Variants in WFDC11 observed in about 807,000 individuals in gnomAD.
The protein encoded by WFDC11 is protein WFDC11.
WFDC11 carries 9 observed loss-of-function variants against 9.9 expected under a neutral mutation model. That is an observed-to-expected ratio of 0.91 (90% CI 0.55 to 1.58). WFDC11 has a LOEUF of 1.58. Among genes scored for constraint, WFDC11 ranks in the 40% most tolerant of loss-of-function variants. The pLI is 0.00. For missense variants in WFDC11, 106 were observed against 101.7 expected, an observed-to-expected ratio of 1.04 and a Z score of -0.18; for synonymous variants, 32 against 33.3, an observed-to-expected ratio of 0.96 and a Z score of 0.13.
In WFDC11 at chr20:45,649,238, C is replaced by A. The variant is rs987257632; in HGVS notation, c.243+19G>T. 1 of 1,613,500 alleles carries A rather than the reference C, an allele frequency of 6.2e-7. No individual in the cohort carries two copies. Among genetic ancestry groups the A allele is most frequent in the African/African-American group, 1.3e-5 (1 of 74,874 alleles). ...GAATCAGTGAAGATATACACCCAAG[C>A]AAACATCTCCCAACTCACGACGTTT... On this transcript the variant is annotated intron_variant, in intron 4 of 4. Transcript: ENST00000324384.
At chr20:45,652,904 C>T (rs999196428) in intron 2 of WFDC11, among the ~76,000 whole-genome samples, 2 of 152,164 alleles carry the variant, frequency 1.3e-5, no homozygotes, top group African/African-American at 4.8e-5. Context: ...AACAAATGAA[C>T]AAAGCCTCCA....
intron 2 of WFDC11, among the ~76,000 whole-genome samples, chr20:45,653,827 G>T (rs202228849): frequency 6.6e-6 from 1 of 151,194 alleles, no homozygotes; most frequent in Non-Finnish European, 1.5e-5. Flanking sequence ...ATCAAAAGAG[G>T]CAAAGAAGGC....
In WFDC11 at chr20:45,649,830, A is replaced by G. The variant is rs559301804; in HGVS notation, c.101-431T>C. On this transcript the variant is annotated intron_variant, in intron 3 of 4. Coordinates refer to ENST00000324384, the MANE Select transcript of WFDC11 (RefSeq NM_147197.2). ...GGAGCTAGGCCAGGTCAAGTAAGAA[A>G]CAGATTCTCTCCCTTTTTCTTTCCC... Among the ~76,000 whole-genome samples the G allele has an allele frequency of 1.7e-3, 261 of 152,152 alleles. 1 individual carries two copies. Among genetic ancestry groups the G allele is most frequent in the Middle Eastern group, 0.014 (4 of 294 alleles).
intron 2 of WFDC11, among the ~76,000 whole-genome samples, chr20:45,661,125 G>A (rs1001829053): frequency 6.6e-6 from 1 of 152,146 alleles, no homozygotes; most frequent in Admixed American, 6.5e-5. Context: ...GGTGTGAGAT[G>A]GTATCCCATT....
At chr20:45,652,115 T>A (rs1390815826) in intron 2 of WFDC11, among the ~76,000 whole-genome samples, 1 of 152,240 alleles carries the variant, frequency 6.6e-6, no homozygotes, top group Admixed American at 6.5e-5. Context: ...GCTGGAGATC[T>A]GAGAACAGAC....
intron 1 of WFDC11, among the ~76,000 whole-genome samples, chr20:45,668,602 A>G (rs1320468446): frequency 1.3e-5 from 2 of 152,214 alleles, no homozygotes; most frequent in African/African-American, 4.8e-5. Context: ...AATTAAATTT[A>G]AAAATAATTG....
rs1473868204 is a variant in WFDC11, at chr20:45,655,988, C to T, written c.-51-5337G>A. Among the ~76,000 whole-genome samples, 7 of 152,004 alleles carry T rather than the reference C, an allele frequency of 4.6e-5. No homozygotes were observed. The South Asian group carries it at 6.2e-4, about 14-fold the overall frequency. ...GCTCATGGCTAGGAAGAATCAATAT[C>T]GAGAAAATGGCCATACTGCCCAAGG... On this transcript the variant is annotated intron_variant, in intron 2 of 4. Coordinates refer to ENST00000324384, the MANE Select transcript of WFDC11 (RefSeq NM_147197.2).
At chr20:45,658,719 G>T (rs1982988589) in intron 2 of WFDC11, among the ~76,000 whole-genome samples, 1 of 151,230 alleles carries the variant, frequency 6.6e-6, no homozygotes. Context: ...TCTGATCTTG[G>T]TTATTTTCTT....
intron 2 of WFDC11, among the ~76,000 whole-genome samples, chr20:45,666,844 C>T (rs1366157029): frequency 6.6e-6 from 1 of 152,162 alleles, no homozygotes; most frequent in Middle Eastern, 3.2e-3. Context: ...ATGGGAATAG[C>T]ATGTAGATGA....
At chr20:45,652,841 GATGAA>G (rs1169422417) in intron 2 of WFDC11, among the ~76,000 whole-genome samples, 10 of 152,170 alleles carry the variant, frequency 6.6e-5, no homozygotes, top group Non-Finnish European at 1.3e-4. Flanking sequence ...AGTGATGGAA[GATGAA>G]ATGAATGAAA....
At chr20:45,651,538 G>A (rs1219786650) in intron 2 of WFDC11, among the ~76,000 whole-genome samples, 1 of 152,224 alleles carries the variant, frequency 6.6e-6, no homozygotes, top group African/African-American at 2.4e-5. Flanking sequence ...ACAGAAGACA[G>A]GTGATTTCTG....
chr20:45,664,249 T>C (rs1247801451), intron 2 of WFDC11, among the ~76,000 whole-genome samples: 1 of 143,518 alleles, frequency 7.0e-6, no homozygotes, highest in Non-Finnish European at 1.5e-5. Flanking sequence ...TGACCCCTGC[T>C]TTTTTTTTGC....
chr20:45,668,474 T>C lies in WFDC11; in HGVS notation c.-133-1305A>G, dbSNP rs537540562. Among the ~76,000 whole-genome samples, 7 of 147,978 alleles carry C rather than the reference T, an allele frequency of 4.7e-5. No homozygotes were observed. The East Asian group carries it at 1.4e-3, about 30-fold the overall frequency. ...CTCATCAATTTATATCATTTACTTC[T>C]CTCCGTAGGAAAAAAAAAAGAAAAA... is the stretch of plus-strand genomic sequence containing the variant. On this transcript the variant is annotated intron_variant, in intron 1 of 4. Transcript: ENST00000324384.
At chr20:45,651,863 CTGCAAGGCG>C (rs1982814684) in intron 2 of WFDC11, among the ~76,000 whole-genome samples, 1 of 149,718 alleles carries the variant, frequency 6.7e-6, no homozygotes, top group Non-Finnish European at 1.5e-5. Flanking sequence ...TGAGATAAAA[CTGCAAGGCG>C]GCAGCGAGGC....
At chr20:45,662,102 G>A (rs983209580) in intron 2 of WFDC11, among the ~76,000 whole-genome samples, 2 of 152,052 alleles carry the variant, frequency 1.3e-5, no homozygotes, top group African/African-American at 4.8e-5. Context: ...ATTGAGCAGT[G>A]ATTTGTGGTT....
rs374711484 is a variant in WFDC11 at position 45,648,650 on chromosome 20, G to A, written c.*69C>T. 6.5e-7 allele frequency: 1 copy of A among 1,531,988 alleles called. No homozygotes were observed. The highest frequency in any genetic ancestry group is 1.1e-5 in the South Asian group (1 of 88,794). 94.9% of individuals were successfully genotyped at this position (1,531,988 alleles called of 1,614,324 possible). ...TGGTGTTCCTAAAAGTAGCCACAGG[G>A]TACTACTATGAGACCTCTTAAACAT... On this transcript the variant is annotated 3_prime_UTR_variant, in exon 5 of 5. Transcript: ENST00000324384.
At chr20:45,656,502 A>T (rs905244926) in intron 2 of WFDC11, among the ~76,000 whole-genome samples, 1 of 152,162 alleles carries the variant, frequency 6.6e-6, no homozygotes, top group Non-Finnish European at 1.5e-5. Flanking sequence ...AACCTAGGCA[A>T]TACCATTCAG....
chr20:45,648,657 T>A lies in WFDC11; in HGVS notation c.*62A>T. ...CCTAAAAGTAGCCACAGGGTACTAC[T>A]ATGAGACCTCTTAAACATTTCCCAG... is the stretch of plus-strand genomic sequence containing the variant. On this transcript the variant is annotated 3_prime_UTR_variant, in exon 5 of 5. Transcript: ENST00000324384. 2 of 1,593,738 alleles carry A rather than the reference T, an allele frequency of 1.3e-6. No homozygotes were observed. The highest frequency in any genetic ancestry group is 1.7e-6 in the Non-Finnish European group (2 of 1,162,088).
At chr20:45,650,141 A>G (rs1982769266) in intron 3 of WFDC11, among the ~76,000 whole-genome samples, 1 of 152,138 alleles carries the variant, frequency 6.6e-6, no homozygotes, top group Non-Finnish European at 1.5e-5. Context: ...TTAGCTCTAT[A>G]CTGACATCTG....
Sources: allele counts gnomAD v4.1 joint callset (sites outside exome capture counted in the v4.1 genomes callset), GRCh38; gene constraint gnomAD v4.1.1; transcripts MANE v1.5; gene names NCBI Gene and HGNC (gene_info 2026-07-23, HGNC 2026-07-21).